The following MAGI2 variants were observed in gnomAD, a reference collection of about 807,000 sequenced individuals.
MAGI2 encodes membrane associated guanylate kinase, WW and PDZ domain containing 2.
In MAGI2, 35 loss-of-function variants were observed where a neutral mutation model predicts 133.3. The observed-to-expected ratio is 0.26, with a 90% CI of 0.20 to 0.35. MAGI2 has a LOEUF of 0.35. MAGI2 is among the 10% of genes least tolerant of loss of function. MAGI2 has a pLI of 1.00. For synonymous variants in MAGI2, 729 were observed against 710.6 expected, an observed-to-expected ratio of 1.03 and a Z score of -0.41; for missense variants, 1,636 against 1,863.4, an observed-to-expected ratio of 0.88 and a Z score of 2.25.
At chr7:78,516,353 T>G (rs4563818) in intron 4 of MAGI2, among the ~76,000 whole-genome samples, 45,863 of 151,624 alleles carry the variant, frequency 0.3, 6,949 homozygotes, top group South Asian at 0.44. Context: ...CTGTTTTTGT[T>G]GTTGTTGTTG....
At chr7:78,578,845 C>T (rs1802540973) in intron 3 of MAGI2, among the ~76,000 whole-genome samples, 1 of 152,180 alleles carries the variant, frequency 6.6e-6, no homozygotes, top group South Asian at 2.1e-4. Flanking sequence ...CTGAACAAAG[C>T]AAAATACTCC....
intron 1 of MAGI2, among the ~76,000 whole-genome samples, chr7:79,376,834 G>GTGTA (rs1364565839): frequency 6.9e-6 from 1 of 145,148 alleles, no homozygotes; most frequent in Non-Finnish European, 1.5e-5. Flanking sequence ...GTGTGTGTGT[G>GTGTA]TGTGTGGGTG....
intron 9 of MAGI2, among the ~76,000 whole-genome samples, chr7:78,343,128 C>T (rs1356928977): frequency 1.3e-5 from 2 of 152,130 alleles, no homozygotes; most frequent in Non-Finnish European, 2.9e-5. Flanking sequence ...GAAGCCAAAC[C>T]TTGTTCATTA....
intron 21 of MAGI2, among the ~76,000 whole-genome samples, chr7:78,077,890 T>C (rs374695476): frequency 1.2e-4 from 19 of 152,042 alleles, no homozygotes; most frequent in African/African-American, 4.1e-4. Flanking sequence ...CCACCATGCC[T>C]GGCTAATTTT....
chr7:79,173,193 T>C lies in MAGI2; in HGVS notation c.302-165987A>G, dbSNP rs1469909111. On this transcript the variant is annotated intron_variant, in intron 1 of 21. Transcript: ENST00000354212. Reference sequence around the variant, plus strand: ...CAAAAAGGTATAATCTAATCAGAAATGAACTTACTAATAAATATGAGGTCT... The same window carrying C: ...CAAAAAGGTATAATCTAATCAGAAACGAACTTACTAATAAATATGAGGTCT... Among the ~76,000 whole-genome samples the C allele has an allele frequency of 2.0e-5, 3 of 152,006 alleles. No homozygotes were observed. In the East Asian group the frequency reaches 5.8e-4, roughly 29 times the overall value.
At chr7:78,458,505 T>C (rs768630231) in intron 6 of MAGI2, among the ~76,000 whole-genome samples, 9 of 152,164 alleles carry the variant, frequency 5.9e-5, no homozygotes, top group Admixed American at 3.9e-4. Flanking sequence ...TGTGCATATA[T>C]AAGTTTATAT....
At chr7:79,221,608 G>T (rs1372661389) in intron 1 of MAGI2, among the ~76,000 whole-genome samples, 1 of 151,984 alleles carries the variant, frequency 6.6e-6, no homozygotes, top group Non-Finnish European at 1.5e-5. Flanking sequence ...TATTAGGCAG[G>T]TAAAATCATA....
At chr7:78,208,573 C>A (rs1201887150) in intron 10 of MAGI2, among the ~76,000 whole-genome samples, 2 of 152,024 alleles carry the variant, frequency 1.3e-5, no homozygotes, top group African/African-American at 4.8e-5. Flanking sequence ...AAGAGAGAAA[C>A]CTGCTCTGGG....
At chr7:78,995,631 C>T (rs1806215905) in intron 2 of MAGI2, among the ~76,000 whole-genome samples, 2 of 152,084 alleles carry the variant, frequency 1.3e-5, no homozygotes, top group African/African-American at 4.8e-5. Context: ...AAATATACAT[C>T]TTCTATTACT....
At chr7:78,922,551 C>T (rs969515560) in intron 2 of MAGI2, among the ~76,000 whole-genome samples, 2 of 151,924 alleles carry the variant, frequency 1.3e-5, no homozygotes, top group Non-Finnish European at 2.9e-5. Context: ...CATAGTATTC[C>T]ATGGTGTATA....
chr7:79,116,792 C>T (rs1016129592), intron 1 of MAGI2, among the ~76,000 whole-genome samples: 5 of 152,132 alleles, frequency 3.3e-5, no homozygotes, highest in African/African-American at 1.2e-4. Flanking sequence ...GTTTCTGCCC[C>T]CTTCTCTCTC....
intron 1 of MAGI2, among the ~76,000 whole-genome samples, chr7:79,186,281 T>A (rs1368712291): frequency 1.8e-5 from 2 of 113,650 alleles, no homozygotes; most frequent in African/African-American, 1.3e-4. Flanking sequence ...ACATTTAAAC[T>A]ATATATATAA....
chr7:78,414,146 G>A (rs886690050), intron 6 of MAGI2, among the ~76,000 whole-genome samples: 2 of 151,930 alleles, frequency 1.3e-5, no homozygotes, highest in African/African-American at 2.4e-5. Flanking sequence ...ATGTCCAAGA[G>A]TATTCACTGA....
At chr7:78,803,908 A>G (rs1788295321) in intron 2 of MAGI2, among the ~76,000 whole-genome samples, 1 of 152,230 alleles carries the variant, frequency 6.6e-6, no homozygotes, top group Non-Finnish European at 1.5e-5. Flanking sequence ...TAGCTGGGAC[A>G]CGGAATAAGA....
At chr7:78,276,381 T>C (rs918078702) in intron 9 of MAGI2, among the ~76,000 whole-genome samples, 6 of 152,158 alleles carry the variant, frequency 3.9e-5, no homozygotes, top group African/African-American at 1.4e-4. Context: ...ATTAACCTAC[T>C]ACACATGCAA....
intron 2 of MAGI2, among the ~76,000 whole-genome samples, chr7:78,836,964 A>G (rs1330500): frequency 0.09 from 13,657 of 152,260 alleles, 740 homozygotes; most frequent in Middle Eastern, 0.15. Flanking sequence ...TCATGCAGGT[A>G]ATAATAACTA....
intron 6 of MAGI2, among the ~76,000 whole-genome samples, chr7:78,459,606 ATTACT>A (rs1458329962): frequency 2.0e-5 from 3 of 152,228 alleles, no homozygotes; most frequent in Admixed American, 6.5e-5. Context: ...AGAGATAAAG[ATTACT>A]TTAATTAAGT....
chr7:79,228,704 T>C (rs1331194403), intron 1 of MAGI2, among the ~76,000 whole-genome samples: 1 of 152,166 alleles, frequency 6.6e-6, no homozygotes, highest in Non-Finnish European at 1.5e-5. Flanking sequence ...GTTTGGGCCA[T>C]ATCTTGTGAA....
intron 5 of MAGI2, among the ~76,000 whole-genome samples, chr7:78,496,488 G>A (rs1794098393): frequency 6.6e-6 from 1 of 152,136 alleles, no homozygotes; most frequent in Non-Finnish European, 1.5e-5. Context: ...TTAACCCTGT[G>A]GCAGCTCTTC....
Sources: gnomAD v4.1 joint callset for allele counts (sites outside exome capture counted in the v4.1 genomes callset) on GRCh38, gnomAD v4.1.1 for gene constraint, MANE v1.5 for transcripts, NCBI Gene and HGNC (gene_info 2026-07-23, HGNC 2026-07-21) for gene names.